The following RHEX variants were observed in gnomAD, a reference collection of about 807,000 sequenced individuals.
RHEX encodes the protein regulator of hemoglobinization and erythroid cell expansion protein.
RHEX carries 18 observed loss-of-function variants against 20.1 expected under a neutral mutation model. The ratio of observed to expected loss-of-function variants is 0.90; its 90% CI spans 0.62 to 1.33. RHEX has a LOEUF of 1.33. Ranked by LOEUF, RHEX falls within the 40% of genes most tolerant of loss-of-function variation. The pLI is 0.00. For synonymous variants in RHEX, 87 were observed against 77.1 expected, an observed-to-expected ratio of 1.13 and a Z score of -0.67; for missense variants, 192 against 214.3, an observed-to-expected ratio of 0.90 and a Z score of 0.65.
chr1:206,097,943 T>C, intron 2 of RHEX, 104 bp downstream of exon 2: 1 of 1,194,336 alleles, frequency 8.4e-7, no homozygotes, highest in Non-Finnish European at 1.3e-6. Context: ...CCAGCCTTAT[T>C]GTCCAGAGAG....
In RHEX at chr1:206,067,554, A is replaced by G. The variant is rs1041027292; in HGVS notation, c.-97+14289A>G. ...AAGCTGATGATGTGGATTCCTAATA[A>G]GATAAGTGAGCAACAACTTGGAGGG... On this transcript the variant is annotated intron_variant, in intron 1 of 5. Coordinates refer to ENST00000331555, the MANE Select transcript of RHEX (RefSeq NM_001007544.4). This position sits in a 1 kb window ranked among gnomAD's most constrained non-coding sequence, Gnocchi z 4.6. Among the ~76,000 whole-genome samples the G allele has an allele frequency of 2.0e-5, 3 of 152,226 alleles. No individual in the cohort carries two copies. The highest frequency in any genetic ancestry group is 2.9e-5 in the Non-Finnish European group (2 of 68,036).
chr1:206,102,015 A>G lies in RHEX; in HGVS notation c.*63A>G. On this transcript the variant is annotated 3_prime_UTR_variant, in exon 6 of 6. Transcript: ENST00000331555. ...ATTCTTACATTTAATTTGTAGGGAA[A>G]TGCCATTTTTCCCCCTTAAACAAGG... 1 of 1,361,646 alleles carries G rather than the reference A, an allele frequency of 7.3e-7. No homozygotes were observed. The highest frequency in any genetic ancestry group is 1.0e-6 in the Non-Finnish European group (1 of 956,852). The allele number at this position is 1,361,646 out of a possible 1,614,324, so 84.3% of individuals were successfully genotyped here. A position where few individuals can be genotyped will look rare whatever the true frequency, so the allele number is the denominator to read the frequency against.
intron 1 of RHEX, among the ~76,000 whole-genome samples, chr1:206,065,274 T>TA (rs59452601): frequency 0.23 from 32,625 of 141,546 alleles, 5,123 homozygotes; most frequent in African/African-American, 0.47. Context: ...AATGATCAAT[T>TA]AAAAAAAAAA....
intron 1 of RHEX, among the ~76,000 whole-genome samples, chr1:206,059,110 C>G (rs1193548998): frequency 1.3e-5 from 2 of 152,136 alleles, no homozygotes; most frequent in Non-Finnish European, 2.9e-5. Context: ...GTTCCCTTCT[C>G]ATTGCTCAGG....
chr1:206,058,381 A>C (rs1451589711), intron 1 of RHEX, among the ~76,000 whole-genome samples: 2 of 152,282 alleles, frequency 1.3e-5, no homozygotes, highest in Non-Finnish European at 2.9e-5. Context: ...AGCAAAAATA[A>C]GAGTGAGAAC....
chr1:206,077,733 G>T (rs1206263077), intron 1 of RHEX, among the ~76,000 whole-genome samples: 1 of 152,180 alleles, frequency 6.6e-6, no homozygotes, highest in East Asian at 1.9e-4. Flanking sequence ...TGAAAGCCTG[G>T]GGATGCTTGT....
At chr1:206,097,257 C>T (rs781973836) in intron 1 of RHEX, among the ~76,000 whole-genome samples, 4 of 152,172 alleles carry the variant, frequency 2.6e-5, no homozygotes, top group Non-Finnish European at 4.4e-5. Context: ...CTGCAGCCCT[C>T]CTTACCAGCA....
At chr1:206,080,988 C>CAA (rs1662725940) in intron 1 of RHEX, among the ~76,000 whole-genome samples, 1 of 151,968 alleles carries the variant, frequency 6.6e-6, no homozygotes, top group African/African-American at 2.4e-5. Context: ...TACATACACA[C>CAA]ACACACACAC....
At chr1:206,056,134 C>T (rs1553282593) in intron 1 of RHEX, among the ~76,000 whole-genome samples, 2 of 152,242 alleles carry the variant, frequency 1.3e-5, no homozygotes, top group Non-Finnish European at 2.9e-5. Context: ...CTCCCGGTGT[C>T]AGAGAGCCCA....
At chr1:206,070,416 G>A (rs1662503995) in intron 1 of RHEX, among the ~76,000 whole-genome samples, 1 of 152,154 alleles carries the variant, frequency 6.6e-6, no homozygotes, top group African/African-American at 2.4e-5. Flanking sequence ...CTATGTGACT[G>A]TTGTTATCTC....
Position 206,067,882 on chromosome 1 carries a change from C to G in RHEX, c.-97+14617C>G, listed in dbSNP as rs1382282705. Among the ~76,000 whole-genome samples, 3 of 152,182 alleles carry G rather than the reference C, an allele frequency of 2.0e-5. No individual in the cohort carries two copies. Among genetic ancestry groups the G allele is most frequent in the African/African-American group, 7.2e-5 (3 of 41,438 alleles). ...TCTTTTACCATCTGTGACGCCAGCC[C>G]CAGCCAGTTGCACCTGCAACAGATG... On this transcript the variant is annotated intron_variant, in intron 1 of 5. Transcript: ENST00000331555. This position sits in a 1 kb window ranked among gnomAD's most constrained non-coding sequence, Gnocchi z 4.6.
At position 206,101,213 on chromosome 1, in the gene RHEX, A is replaced by G. The variant is rs1415598506; in HGVS notation, c.318+16A>G. 4 of 1,600,378 alleles carry G rather than the reference A, an allele frequency of 2.5e-6. No homozygotes were observed. In the African/African-American group the frequency reaches 4.0e-5, roughly 16 times the overall value. On this transcript the variant is annotated intron_variant, in intron 5 of 5. Coordinates refer to ENST00000331555, the MANE Select transcript of RHEX (RefSeq NM_001007544.4). ...TGCCTGCCAGGTAATGGATGTGCCT[A>G]GTGATCTCAGACGAACATATGCAGT...
chr1:206,080,520 G>A (rs1405935074), intron 1 of RHEX, among the ~76,000 whole-genome samples: 11 of 152,186 alleles, frequency 7.2e-5, no homozygotes, highest in Non-Finnish European at 1.5e-5. Context: ...CTACGGGGTG[G>A]GGTAGGAGGT....
intron 5 of RHEX, 120 bp from the exon 6 acceptor site, chr1:206,101,632 C>A: frequency 1.3e-6 from 1 of 746,750 alleles, no homozygotes; most frequent in Non-Finnish European, 2.2e-6. Flanking sequence ...GCTATTTGGA[C>A]CCAGATCTTC....
chr1:206,092,948 G>A (rs928442907), intron 1 of RHEX, among the ~76,000 whole-genome samples: 4 of 152,162 alleles, frequency 2.6e-5, no homozygotes, highest in African/African-American at 4.8e-5. Context: ...AGCCTTTAAA[G>A]AGCAGGATGC....
At chr1:206,076,638 C>CA (rs1300043347) in intron 1 of RHEX, among the ~76,000 whole-genome samples, 1 of 152,218 alleles carries the variant, frequency 6.6e-6, no homozygotes, top group Non-Finnish European at 1.5e-5. Context: ...GTACTTCCCC[C>CA]AAATGTGACT....
At chr1:206,057,388 G>A (rs1662213855) in intron 1 of RHEX, among the ~76,000 whole-genome samples, 1 of 152,246 alleles carries the variant, frequency 6.6e-6, no homozygotes. Context: ...GTATTGCATA[G>A]CTAGAGAAGG....
chr1:206,097,928 C>A, intron 2 of RHEX, 89 bp downstream of exon 2: 1 of 1,211,578 alleles, frequency 8.3e-7, no homozygotes, highest in Non-Finnish European at 1.2e-6. Flanking sequence ...CCCTTCCTGG[C>A]TGCCCCAGCC....
chr1:206,100,175 T>C (rs554712563), intron 4 of RHEX, among the ~76,000 whole-genome samples: 60 of 152,320 alleles, frequency 3.9e-4, no homozygotes, highest in South Asian at 1.0e-3. Context: ...GCTGCTGCTA[T>C]GTCAGTGTTA....
Sources: gnomAD v4.1 joint callset for allele counts (sites outside exome capture counted in the v4.1 genomes callset) on GRCh38, gnomAD v4.1.1 for gene constraint, Gnocchi (gnomAD v3.1) non-coding constraint, MANE v1.5 for transcripts, NCBI Gene and HGNC (gene_info 2026-07-23, HGNC 2026-07-21) for gene names.